TMEM163: variants seen among roughly 807,000 people sequenced by gnomAD.
TMEM163 encodes the protein transmembrane protein 163.
In TMEM163, 17 loss-of-function variants were observed where a neutral mutation model predicts 29.3. The ratio of observed to expected loss-of-function variants is 0.58; its 90% CI spans 0.40 to 0.87. The LOEUF (loss-of-function observed/expected upper bound fraction) is 0.87, where lower values mean the gene tolerates loss of function less well. Ranked by LOEUF, TMEM163 falls within the 40% of genes least tolerant of loss-of-function variation. The pLI, the probability that TMEM163 is intolerant of heterozygous loss-of-function variation, is 0.00. For synonymous variants in TMEM163, 157 were observed against 160.6 expected, an observed-to-expected ratio of 0.98 and a Z score of 0.17; for missense variants, 303 against 381.5, an observed-to-expected ratio of 0.79 and a Z score of 1.71.
At chr2:134,596,759 T>C (rs1221007577) in intron 2 of TMEM163, among the ~76,000 whole-genome samples, 1 of 152,126 alleles carries the variant, frequency 6.6e-6, no homozygotes, top group Non-Finnish European at 1.5e-5. Flanking sequence ...GGAATGTTCT[T>C]CCATTTGTTC....
chr2:134,579,896 T>G (rs1282090127), intron 2 of TMEM163, among the ~76,000 whole-genome samples: 4 of 152,180 alleles, frequency 2.6e-5, no homozygotes, highest in Admixed American at 2.6e-4. Flanking sequence ...ATGGTAATGA[T>G]TTGTTCTCTC....
At chr2:134,718,670 T>C (rs1035495690) in intron 1 of TMEM163, 64 bp downstream of exon 1, 2 of 1,080,664 alleles carry the variant, frequency 1.9e-6, no homozygotes, top group African/African-American at 1.7e-5. Context: ...GGCCCGCGAG[T>C]GGGGAGAGGC....
intron 6 of TMEM163, 33 bp from the exon 7 acceptor site, chr2:134,458,206 G>A: frequency 6.2e-7 from 1 of 1,610,704 alleles, no homozygotes; most frequent in East Asian, 2.2e-5. Flanking sequence ...CTAGATGGCA[G>A]TGCCAAGCAA....
chr2:134,514,621 A>G (rs116766772), intron 4 of TMEM163, among the ~76,000 whole-genome samples: 1 of 152,302 alleles, frequency 6.6e-6, no homozygotes, highest in African/African-American at 2.4e-5. Flanking sequence ...GTGGTCGTCA[A>G]AAGAAAACAA....
chr2:134,687,448 G>A (rs1684373314), intron 2 of TMEM163, among the ~76,000 whole-genome samples: 1 of 152,134 alleles, frequency 6.6e-6, no homozygotes, highest in Non-Finnish European at 1.5e-5. Context: ...GTTAAAATAT[G>A]TATAAGTTTA....
Position 134,466,210 on chromosome 2 carries a change from T to C in TMEM163, c.571A>G (p.Ser191Gly), listed in dbSNP as rs1686666929. ...AGAATCCCACTTAAAATGGAGACACTGAACAGGAAATCGTCCTGCAAGAGA... is the reference window on the plus strand; with the variant it reads ...AGAATCCCACTTAAAATGGAGACACCGAACAGGAAATCGTCCTGCAAGAGA... ...LLPEVDDFLF[S>G]VSILSGILCS... The change falls in exon 6 of 8, where the codon AGT becomes GGT. Residue 191 changes from serine (S) to glycine (G), a missense_variant. Around this residue, in one of 2 missense-constraint regions of TMEM163, gnomAD observed 203 missense variants for 294.3 expected, o/e 0.69. Coordinates refer to ENST00000281924, the MANE Select transcript of TMEM163 (RefSeq NM_030923.5). 1 of 1,613,712 alleles carries C rather than the reference T, an allele frequency of 6.2e-7. No individual in the cohort carries two copies. The highest frequency in any genetic ancestry group is 8.5e-7 in the Non-Finnish European group (1 of 1,179,894).
intron 1 of TMEM163, among the ~76,000 whole-genome samples, chr2:134,716,523 G>A (rs1225609790): frequency 6.6e-6 from 1 of 152,182 alleles, no homozygotes; most frequent in Non-Finnish European, 1.5e-5. Context: ...TACAGGTGCA[G>A]ATCCGAGGTA....
At chr2:134,698,203 C>T (rs1338457661) in intron 2 of TMEM163, among the ~76,000 whole-genome samples, 2 of 152,222 alleles carry the variant, frequency 1.3e-5, no homozygotes, top group East Asian at 3.8e-4. Flanking sequence ...ACAGAAGTGT[C>T]TCTTGACATT....
intron 2 of TMEM163, among the ~76,000 whole-genome samples, chr2:134,659,601 G>A (rs1403379572): frequency 1.3e-5 from 2 of 152,190 alleles, no homozygotes; most frequent in East Asian, 3.8e-4. Flanking sequence ...GTTTGTTCTA[G>A]GCTCTGCAGA....
intron 5 of TMEM163, among the ~76,000 whole-genome samples, chr2:134,498,766 G>T (rs1045241554): frequency 6.6e-6 from 1 of 152,202 alleles, no homozygotes; most frequent in Non-Finnish European, 1.5e-5. Flanking sequence ...AGCCAGCTGG[G>T]GGCCTGCACA....
At chr2:134,635,856 G>T (rs560778134) in intron 2 of TMEM163, among the ~76,000 whole-genome samples, 66 of 152,238 alleles carry the variant, frequency 4.3e-4, no homozygotes, top group African/African-American at 1.6e-3. Flanking sequence ...GACCGTGTGG[G>T]TGTGGACACA....
rs551807108 is a variant in TMEM163, at chr2:134,509,030, A to C, written c.459-6033T>G. On this transcript the variant is annotated intron_variant, in intron 4 of 7. Coordinates refer to ENST00000281924, the MANE Select transcript of TMEM163 (RefSeq NM_030923.5). ...AGCTGAACAGAACCCAACCAACTGAAATCCCACTTAGATAGGACTTTATTT... is the reference window on the plus strand; with the variant it reads ...AGCTGAACAGAACCCAACCAACTGACATCCCACTTAGATAGGACTTTATTT... Among the ~76,000 whole-genome samples, 3 of 152,284 alleles carry C rather than the reference A, an allele frequency of 2.0e-5. No individual in the cohort carries two copies. In the South Asian group the frequency reaches 6.2e-4, roughly 32 times the overall value.
intron 2 of TMEM163, among the ~76,000 whole-genome samples, chr2:134,635,001 T>C (rs1243749928): frequency 3.3e-5 from 5 of 152,232 alleles, no homozygotes; most frequent in Non-Finnish European, 7.3e-5. Context: ...GCCAGAAGAA[T>C]CTCAAGTGTG....
At position 134,572,620 on chromosome 2, in the gene TMEM163, A is replaced by G. The variant is rs945420054; in HGVS notation, c.323-20529T>C. On this transcript the variant is annotated intron_variant, in intron 2 of 7. Transcript: ENST00000281924. ...GAGGAAACAACTTGACTGGGCCTCC[A>G]TCATCAATAGGTCTAAATGCCAGGG... Among the ~76,000 whole-genome samples, 21 of 152,192 alleles carry G rather than the reference A, an allele frequency of 1.4e-4. 1 individual carries two copies. Among genetic ancestry groups the G allele is most frequent in the African/African-American group, 5.1e-4 (21 of 41,436 alleles).
At chr2:134,675,988 C>G (rs940164554) in intron 2 of TMEM163, among the ~76,000 whole-genome samples, 2 of 152,090 alleles carry the variant, frequency 1.3e-5, no homozygotes, top group African/African-American at 4.8e-5. Context: ...CTCCTGAGCA[C>G]CCCACCCCAC....
chr2:134,695,919 G>A (rs1459508719), intron 2 of TMEM163, among the ~76,000 whole-genome samples: 2 of 152,102 alleles, frequency 1.3e-5, no homozygotes, highest in African/African-American at 4.8e-5. Flanking sequence ...AGGCGTGGTG[G>A]TGGGTGCCTG....
intron 5 of TMEM163, chr2:134,469,451 A>T (rs1048405897): frequency 6.6e-6 from 1 of 152,226 alleles, no homozygotes; most frequent in African/African-American, 2.4e-5. Context: ...AGTGGAAAAA[A>T]ATAACAGACT....
At chr2:134,673,650 G>C (rs1684042927) in intron 2 of TMEM163, among the ~76,000 whole-genome samples, 1 of 152,190 alleles carries the variant, frequency 6.6e-6, no homozygotes, top group South Asian at 2.1e-4. Flanking sequence ...TAGGAGAGTG[G>C]AAGAAGGAGA....
intron 2 of TMEM163, among the ~76,000 whole-genome samples, chr2:134,666,759 A>AATTTACTCCACTATTCCT (rs1558984621): frequency 6.6e-6 from 1 of 152,226 alleles, no homozygotes; most frequent in Non-Finnish European, 1.5e-5. Flanking sequence ...TATAAAAAGG[A>AATTTACTCCACTATTCCT]GATCGTAATA....
Sources: gnomAD v4.1 joint callset for allele counts (sites outside exome capture counted in the v4.1 genomes callset) on GRCh38, gnomAD v4.1.1 for gene constraint, gnomAD v4.1.1 regional missense constraint, MANE v1.5 for transcripts, NCBI Gene and HGNC (gene_info 2026-07-23, HGNC 2026-07-21) for gene names.